The following TRABD2B variants were observed in gnomAD, a reference collection of about 807,000 sequenced individuals.
The protein encoded by TRABD2B is metalloprotease TIKI2.
In TRABD2B, 14 loss-of-function variants were observed where a neutral mutation model predicts 40.1. The ratio of observed to expected loss-of-function variants is 0.35; its 90% confidence interval spans 0.23 to 0.55. The LOEUF is 0.55. Ranked by LOEUF, TRABD2B falls within the 20% of genes least tolerant of loss-of-function variation. TRABD2B has a pLI of 0.90. For missense variants in TRABD2B, 541 were observed against 648.6 expected (o/e 0.83, Z 1.80); for synonymous variants, 263 against 277.0 (o/e 0.95, Z 0.50).
intron 2 of TRABD2B, among the ~76,000 whole-genome samples, chr1:47,939,104 T>A (rs1645152649): frequency 6.6e-6 from 1 of 152,198 alleles, no homozygotes. Flanking sequence ...GGAGACCACA[T>A]GGTGAGGAGC....
Position 47,996,520 on chromosome 1 carries a change from T to C in TRABD2B, c.102+168A>G, listed in dbSNP as rs942093572. ...CCCCTTCTCGCTCCTGGCTGGGAGC[T>C]GGAGCCGGGACAGGCAGGAGCGAAG... On this transcript the variant is annotated intron_variant, in intron 1 of 6. Transcript: ENST00000606738. The surrounding 1 kb of genome is among the most constrained non-coding windows in gnomAD (Gnocchi z 4.6). Among the ~76,000 whole-genome samples, 2 of 151,896 alleles carry C rather than the reference T, an allele frequency of 1.3e-5. No homozygotes were observed. The highest frequency in any genetic ancestry group is 4.8e-5 in the African/African-American group (2 of 41,362).
At chr1:47,912,556 T>C (rs1339161302) in intron 2 of TRABD2B, among the ~76,000 whole-genome samples, 3 of 152,194 alleles carry the variant, frequency 2.0e-5, no homozygotes, top group Non-Finnish European at 4.4e-5. Flanking sequence ...GTGCTGGAGG[T>C]GGCATGGAAA....
intron 2 of TRABD2B, among the ~76,000 whole-genome samples, chr1:47,877,697 C>T (rs952750361): frequency 3.3e-5 from 5 of 152,100 alleles, no homozygotes; most frequent in African/African-American, 1.2e-4. Context: ...TATAAATAAC[C>T]TAAAAGTCAA....
intron 2 of TRABD2B, among the ~76,000 whole-genome samples, chr1:47,912,205 A>G (rs544452335): frequency 1.3e-5 from 2 of 152,354 alleles, no homozygotes; most frequent in East Asian, 3.9e-4. Context: ...GTTTCTTGCC[A>G]CAAGATATAA....
At chr1:47,903,141 T>G (rs1478107690) in intron 2 of TRABD2B, among the ~76,000 whole-genome samples, 1 of 152,178 alleles carries the variant, frequency 6.6e-6, no homozygotes, top group Non-Finnish European at 1.5e-5. Context: ...TGGCACTCAC[T>G]GTGCACAGTG....
chr1:47,979,218 G>A (rs1032596814), intron 2 of TRABD2B, among the ~76,000 whole-genome samples: 8 of 152,150 alleles, frequency 5.3e-5, no homozygotes, highest in Non-Finnish European at 1.2e-4. Flanking sequence ...TTTTCTACCA[G>A]GATACTCAGG....
chr1:47,792,059 G>A (rs1421589643), intron 4 of TRABD2B, among the ~76,000 whole-genome samples: 1 of 152,222 alleles, frequency 6.6e-6, no homozygotes, highest in African/African-American at 2.4e-5. Context: ...GCTGTGCAGA[G>A]TGGGCCATTT....
At chr1:47,864,903 T>C (rs1024495180) in intron 2 of TRABD2B, among the ~76,000 whole-genome samples, 5 of 152,028 alleles carry the variant, frequency 3.3e-5, no homozygotes, top group African/African-American at 1.2e-4. Flanking sequence ...TTTTGTCAAA[T>C]AGCCACTCCT....
At chr1:47,802,870 C>T (rs1644841056) in intron 2 of TRABD2B, among the ~76,000 whole-genome samples, 1 of 152,198 alleles carries the variant, frequency 6.6e-6, no homozygotes, top group Admixed American at 6.5e-5. Flanking sequence ...AAAACGTTCA[C>T]AGGTCCCTCC....
chr1:47,960,901 C>T (rs1450869197), intron 2 of TRABD2B, among the ~76,000 whole-genome samples: 4 of 152,062 alleles, frequency 2.6e-5, no homozygotes, highest in African/African-American at 9.7e-5. Flanking sequence ...CCCGCATTGC[C>T]AAGTCAATCC....
chr1:47,806,782 TG>T (rs1448864548), intron 2 of TRABD2B, among the ~76,000 whole-genome samples: 1 of 152,322 alleles, frequency 6.6e-6, no homozygotes, highest in African/African-American at 2.4e-5. Flanking sequence ...CAGTCCTAGA[TG>T]GGCTGGAATG....
chr1:47,943,755 AAAACACAC>A (rs1645219469), intron 2 of TRABD2B, among the ~76,000 whole-genome samples: 1 of 91,292 alleles, frequency 1.1e-5, no homozygotes, highest in Admixed American at 1.4e-4. Context: ...ATGCATCCAG[AAAACACAC>A]ACACACACAC....
intron 2 of TRABD2B, among the ~76,000 whole-genome samples, chr1:47,964,727 A>G (rs1236157630): frequency 6.6e-6 from 1 of 152,140 alleles, no homozygotes; most frequent in Non-Finnish European, 1.5e-5. Context: ...ATATTACTGT[A>G]TTCCTTCATG....
At chr1:47,852,840 C>T (rs947101198) in intron 2 of TRABD2B, among the ~76,000 whole-genome samples, 2 of 152,094 alleles carry the variant, frequency 1.3e-5, no homozygotes, top group South Asian at 4.2e-4. Context: ...ATAATACCTG[C>T]CCCAAAGTTG....
At chr1:47,948,948 C>T (rs927577584) in intron 2 of TRABD2B, among the ~76,000 whole-genome samples, 1 of 152,066 alleles carries the variant, frequency 6.6e-6, no homozygotes, top group Non-Finnish European at 1.5e-5. Flanking sequence ...AAATTAAATC[C>T]TCATGACAAA....
chr1:47,924,921 G>GT (rs1295124981), intron 2 of TRABD2B, among the ~76,000 whole-genome samples: 1 of 152,218 alleles, frequency 6.6e-6, no homozygotes, highest in East Asian at 1.9e-4. Flanking sequence ...AAAAGGGCAA[G>GT]TCTCTGTCTG....
intron 2 of TRABD2B, among the ~76,000 whole-genome samples, chr1:47,857,503 G>A (rs1442810689): frequency 2.0e-5 from 3 of 152,158 alleles, no homozygotes; most frequent in Non-Finnish European, 2.9e-5. Context: ...TGAGCAAGGG[G>A]GTTAAGGCCC....
intron 4 of TRABD2B, among the ~76,000 whole-genome samples, chr1:47,783,055 C>A (rs1444212382): frequency 6.6e-6 from 1 of 151,922 alleles, no homozygotes; most frequent in Non-Finnish European, 1.5e-5. Context: ...TTGCGGCACA[C>A]AGAGCCATGC....
intron 2 of TRABD2B, among the ~76,000 whole-genome samples, chr1:47,939,534 T>C (rs1645158055): frequency 6.6e-6 from 1 of 152,170 alleles, no homozygotes; most frequent in African/African-American, 2.4e-5. Flanking sequence ...TCTCTTTTAG[T>C]CCTCTCAACA....
Sources: allele counts gnomAD v4.1 joint callset (sites outside exome capture counted in the v4.1 genomes callset), GRCh38; gene constraint gnomAD v4.1.1; non-coding constraint Gnocchi (gnomAD v3.1); transcripts MANE v1.5; gene names NCBI Gene and HGNC (gene_info 2026-07-23, HGNC 2026-07-21).